ASPRV1: variants seen among roughly 807,000 people sequenced by gnomAD.
ASPRV1 encodes the protein retroviral-like aspartic protease 1.
ASPRV1 carries 7 observed loss-of-function variants against 11.0 expected under a neutral mutation model. The ratio of observed to expected loss-of-function variants is 0.64; its 90% CI spans 0.36 to 1.20. The LOEUF is 1.20. ASPRV1 is among the 50% of genes most tolerant of loss of function. The probability of loss-of-function intolerance (pLI) is 0.02; values close to 1 mark genes in which losing one functional copy is unlikely to be tolerated. For synonymous variants in ASPRV1, 136 were observed against 138.4 expected (o/e 0.98, Z 0.12); for missense variants, 299 against 320.0 (o/e 0.93, Z 0.50).
the ASPRV1 span, among the ~76,000 whole-genome samples, chr2:70,039,091 A>C: frequency 6.6e-6 from 1 of 152,120 alleles, no homozygotes; most frequent in Non-Finnish European, 1.5e-5. Flanking sequence ...AAAAAAAAAA[A>C]AAAACAAAGC....
chr2:69,959,534 T>A (rs1211978762), downstream of ASPRV1, among the ~76,000 whole-genome samples: 1 of 151,892 alleles, frequency 6.6e-6, no homozygotes, highest in East Asian at 1.9e-4. Context: ...CTCCCCTCCA[T>A]CAGGTCATCT....
chr2:69,933,141 A>G, the ASPRV1 span, among the ~76,000 whole-genome samples: 1 of 141,628 alleles, frequency 7.1e-6, no homozygotes, highest in East Asian at 2.2e-4. Context: ...AGAGGTTGCC[A>G]TGAGCTGAGA....
chr2:69,972,718 G>C, the ASPRV1 span, among the ~76,000 whole-genome samples: 3 of 151,982 alleles, frequency 2.0e-5, no homozygotes, highest in African/African-American at 7.3e-5. Context: ...CGTCCTCCCT[G>C]GTCCCTTTTC....
the ASPRV1 span, among the ~76,000 whole-genome samples, chr2:70,039,212 G>C: frequency 6.6e-6 from 1 of 152,206 alleles, no homozygotes; most frequent in East Asian, 1.9e-4. Flanking sequence ...TTACTTTGTT[G>C]CAATGTTGAA....
the ASPRV1 span, among the ~76,000 whole-genome samples, chr2:70,081,720 A>T: frequency 2.0e-5 from 3 of 151,804 alleles, no homozygotes; most frequent in Non-Finnish European, 4.4e-5. Context: ...AGTAGCTGGG[A>T]CTACAGGTGC....
chr2:70,083,179 C>T, the ASPRV1 span, among the ~76,000 whole-genome samples: 3 of 152,130 alleles, frequency 2.0e-5, no homozygotes, highest in Non-Finnish European at 2.9e-5. Context: ...GTAAAGCTAT[C>T]CCACACATCA....
At chr2:69,999,678 A>G in the ASPRV1 span, among the ~76,000 whole-genome samples, 2 of 146,292 alleles carry the variant, frequency 1.4e-5, no homozygotes, top group African/African-American at 2.6e-5. Flanking sequence ...AAAAAAAAAA[A>G]GACAGAAACC....
the ASPRV1 span, among the ~76,000 whole-genome samples, chr2:70,081,715 C>G: frequency 2.0e-5 from 3 of 151,906 alleles, no homozygotes; most frequent in African/African-American, 7.3e-5. Flanking sequence ...TTGCAAGTAG[C>G]TGGGACTACA....
At chr2:69,984,314 C>T in the ASPRV1 span, among the ~76,000 whole-genome samples, 1 of 152,206 alleles carries the variant, frequency 6.6e-6, no homozygotes, top group Non-Finnish European at 1.5e-5. Flanking sequence ...GCTGGGATTA[C>T]AGGTGTGAGC....
chr2:70,060,688 T>C, the ASPRV1 span, among the ~76,000 whole-genome samples: 1 of 151,938 alleles, frequency 6.6e-6, no homozygotes, highest in Non-Finnish European at 1.5e-5. Context: ...TGGTGGCACA[T>C]GCCTGTAATC....
the ASPRV1 span, among the ~76,000 whole-genome samples, chr2:69,987,450 G>A: frequency 1.3e-5 from 2 of 151,420 alleles, no homozygotes; most frequent in Non-Finnish European, 2.9e-5. Flanking sequence ...TTACATTCAC[G>A]TTAAAAAAAA....
the ASPRV1 span, among the ~76,000 whole-genome samples, chr2:69,992,251 C>T: frequency 6.6e-6 from 1 of 152,190 alleles, no homozygotes; most frequent in Non-Finnish European, 1.5e-5. Flanking sequence ...GGCGTCTTCG[C>T]CTAGCCGAGG....
In ASPRV1 at chr2:69,961,038, G is replaced by C; in HGVS notation, c.399C>G (p.Val133=). ...VRFLVDSGAQ[V]SVVHPNLWEE... ...CCCACAAGTTTGGGTGGACCACAGA[G>C]ACCTGGGCCCCAGAGTCCACCAGGA... The change falls in exon 1 of 1, where the codon GTC becomes GTG. Residue 133 remains valine, a synonymous_variant. Transcript: ENST00000320256. 6.2e-7 allele frequency: 1 copy of C among 1,614,094 alleles called. No homozygotes were observed. Among genetic ancestry groups the C allele is most frequent in the Non-Finnish European group, 8.5e-7 (1 of 1,179,996 alleles).
chr2:69,938,391 CA>C, the ASPRV1 span: 240 of 1,171,628 alleles, frequency 2.0e-4, 3 homozygotes, highest in East Asian at 5.8e-3. Context: ...TTCAGTGTCC[CA>C]CCTTGACCAA....
the ASPRV1 span, among the ~76,000 whole-genome samples, chr2:69,945,670 C>T: frequency 1.3e-5 from 2 of 152,178 alleles, no homozygotes; most frequent in African/African-American, 2.4e-5. Flanking sequence ...GTGAAGGCAG[C>T]GTGTCTGGTG....
At chr2:70,054,470 C>CT in the ASPRV1 span, among the ~76,000 whole-genome samples, 2 of 148,094 alleles carry the variant, frequency 1.4e-5, no homozygotes, top group African/African-American at 5.0e-5. Context: ...GTCCCAGCTA[C>CT]TCAGGAGGCT....
downstream of ASPRV1, among the ~76,000 whole-genome samples, chr2:69,957,398 C>T (rs537486004): frequency 6.6e-6 from 1 of 151,670 alleles, no homozygotes; most frequent in Admixed American, 6.6e-5. Flanking sequence ...GCTCTTGCAA[C>T]TTTCCTGTTA....
chr2:69,984,338 CAGA>C, the ASPRV1 span, among the ~76,000 whole-genome samples: 14 of 152,166 alleles, frequency 9.2e-5, no homozygotes, highest in African/African-American at 3.4e-4. Flanking sequence ...CGCACCCAGC[CAGA>C]AGTTTTTAAA....
At chr2:70,051,634 G>A in the ASPRV1 span, among the ~76,000 whole-genome samples, 1 of 152,110 alleles carries the variant, frequency 6.6e-6, no homozygotes, top group Non-Finnish European at 1.5e-5. Flanking sequence ...TTAAGCATCA[G>A]TGATGTACCA....
Sources: allele counts gnomAD v4.1 joint callset (sites outside exome capture counted in the v4.1 genomes callset), GRCh38; gene constraint gnomAD v4.1.1; transcripts MANE v1.5; gene names NCBI Gene and HGNC (gene_info 2026-07-23, HGNC 2026-07-21).